Variants in HUWE1 observed in about 807,000 individuals in gnomAD.
The protein encoded by HUWE1 is E3 ubiquitin-protein ligase HUWE1.
Under a neutral mutation model 299.4 loss-of-function variants are expected in HUWE1, and 18 were observed. The observed-to-expected ratio is 0.06, with a 90% confidence interval of 0.04 to 0.09. HUWE1 has a LOEUF of 0.09. Among genes scored for constraint, HUWE1 ranks in the 10% least tolerant of loss-of-function variants. The pLI is 1.00. For synonymous variants in HUWE1, 1,317 were observed against 1,286.1 expected (o/e 1.02, Z -0.51); for missense variants, 1,832 against 3,462.3 (o/e 0.53, Z 11.82).
At position 53,559,762 on chromosome X, in the gene HUWE1, C is replaced by T. The variant is rs190298811; in HGVS notation, c.7737-230G>A. Among the ~76,000 whole-genome samples the T allele has an allele frequency of 8.9e-4, 100 of 112,341 alleles. 1 individual carries two copies. The Admixed American group carries it at 9.1e-3, about 10-fold the overall frequency. Reference sequence around the variant, plus strand: ...CCAAGTGGGTGTCAATAAGCTCCCACGTGCCAGGCACTGCGTCAGGTCACA... The same window carrying T: ...CCAAGTGGGTGTCAATAAGCTCCCATGTGCCAGGCACTGCGTCAGGTCACA... On this transcript the variant is annotated intron_variant, in intron 56 of 83. Coordinates refer to ENST00000262854, the MANE Select transcript of HUWE1 (RefSeq NM_031407.7).
intron 3 of HUWE1, among the ~76,000 whole-genome samples, chrX:53,659,878 C>A (rs1488020772): frequency 1.8e-5 from 2 of 111,967 alleles, no homozygotes; most frequent in Non-Finnish European, 3.8e-5. Context: ...TTTAAAAAAA[C>A]AATCCTCCAA....
At chrX:53,634,484 TCAAA>T (rs1309956461) in intron 7 of HUWE1, among the ~76,000 whole-genome samples, 186 bp from the exon 8 acceptor site, 2 of 111,726 alleles carry the variant, frequency 1.8e-5, no homozygotes, top group Non-Finnish European at 3.8e-5. Flanking sequence ...AATGTGAAAG[TCAAA>T]CAAGAGGAAA....
Position 53,586,982 on chromosome X carries a change from A to G in HUWE1, c.4615-73T>C. 7 of 1,084,491 alleles carry G rather than the reference A, an allele frequency of 6.5e-6. No individual in the cohort carries two copies. In the South Asian group the frequency reaches 9.3e-5, roughly 14 times the overall value. 89.4% of individuals were successfully genotyped at this position (1,084,491 alleles called of 1,213,427 possible). On this transcript the variant is annotated intron_variant, in intron 37 of 83. Transcript: ENST00000262854. ...ACTCAGTAACAAAGATTAGCATGGG[A>G]TAGGGGAGGGGAACATAAGGGTAAA... is the stretch of plus-strand genomic sequence containing the variant.
At chrX:53,543,595 A>G (rs988436280) in intron 73 of HUWE1, 14 of 413,180 alleles carry the variant, frequency 3.4e-5, no homozygotes, top group African/African-American at 5.0e-5. Context: ...AGTTTGCAAA[A>G]GCGCCACTGT....
chrX:53,570,784 T>G (rs955595611), intron 47 of HUWE1, among the ~76,000 whole-genome samples: 1 of 112,243 alleles, frequency 8.9e-6, no homozygotes, highest in Non-Finnish European at 1.9e-5. Flanking sequence ...TAGGTGACAG[T>G]TGCACAACAC....
intron 7 of HUWE1, among the ~76,000 whole-genome samples, chrX:53,639,564 G>C (rs1557029074): frequency 9.0e-6 from 1 of 111,702 alleles, no homozygotes; most frequent in African/African-American, 3.3e-5. Context: ...TCCTGCATTT[G>C]TAACTGAAGG....
chrX:53,620,045 C>T (rs2066045090), intron 19 of HUWE1, among the ~76,000 whole-genome samples: 1 of 111,649 alleles, frequency 9.0e-6, no homozygotes, highest in South Asian at 3.8e-4. Flanking sequence ...TGGCACAAAT[C>T]GCTATGCCCT....
chrX:53,576,022 G>A (rs2063086538), intron 44 of HUWE1, among the ~76,000 whole-genome samples: 1 of 112,306 alleles, frequency 8.9e-6, no homozygotes, highest in Non-Finnish European at 1.9e-5. Flanking sequence ...CAAACCTTAA[G>A]TGAACATACC....
At chrX:53,649,275 T>G (rs2068293068) in intron 4 of HUWE1, among the ~76,000 whole-genome samples, 1 of 112,031 alleles carries the variant, frequency 8.9e-6, no homozygotes, top group Admixed American at 9.5e-5. Flanking sequence ...CATAAAATAC[T>G]TATCTCCCAT....
chrX:53,548,049 T>C lies in HUWE1; in HGVS notation c.10260A>G (p.Glu3420=). The change falls in exon 68 of 84, where the codon GAA becomes GAG. Residue 3420 remains glutamate, a synonymous_variant. Transcript: ENST00000262854. ...AGGCCTCGAGGCTGTATGGAGAGGT[T>C]TCCCCCTCACCGCCAGCGCTCACTG... is the stretch of plus-strand genomic sequence containing the variant. ...SVPVSAGGEG[E]TSPYSLEASP... The C allele has an allele frequency of 8.3e-7, 1 of 1,208,572 alleles. No homozygotes were observed. The highest frequency in any genetic ancestry group is 1.1e-6 in the Non-Finnish European group (1 of 894,496).
chrX:53,616,078 A>G (rs2065783110), intron 21 of HUWE1, among the ~76,000 whole-genome samples: 1 of 108,273 alleles, frequency 9.2e-6, no homozygotes, highest in African/African-American at 3.3e-5. Flanking sequence ...GTGACTGGAG[A>G]AATTTTTTTT....
chrX:53,648,061 T>A (rs2068179799), intron 5 of HUWE1, 151 bp downstream of exon 5: 1 of 498,017 alleles, frequency 2.0e-6, no homozygotes, highest in African/African-American at 2.3e-5. Flanking sequence ...TGCCACTGGT[T>A]TAAAGCTGTG....
intron 6 of HUWE1, among the ~76,000 whole-genome samples, chrX:53,646,478 A>G (rs1321588222): frequency 8.9e-6 from 1 of 111,789 alleles, no homozygotes; most frequent in Non-Finnish European, 1.9e-5. Context: ...TTTTAAATAC[A>G]ATTAAAATTC....
At chrX:53,546,381 G>A in intron 70 of HUWE1, 55 bp downstream of exon 70, 1 of 1,102,153 alleles carries the variant, frequency 9.1e-7, no homozygotes, top group Non-Finnish European at 1.2e-6. Context: ...CCAGAAAGAG[G>A]AAGCACCTAA....
chrX:53,650,502 A>G (rs946068592), intron 4 of HUWE1, among the ~76,000 whole-genome samples: 4 of 112,399 alleles, frequency 3.6e-5, no homozygotes, highest in Non-Finnish European at 7.5e-5. Flanking sequence ...AATTTAATGT[A>G]CCAGTACTAT....
intron 15 of HUWE1, 48 bp downstream of exon 15, chrX:53,628,445 T>C (rs781927146): frequency 1.8e-5 from 20 of 1,120,582 alleles, no homozygotes; most frequent in Non-Finnish European, 2.4e-5. Context: ...ACACCCTTAG[T>C]TGATTTCCCC....
At chrX:53,658,598 T>G (rs965311354) in intron 3 of HUWE1, among the ~76,000 whole-genome samples, 1 of 110,658 alleles carries the variant, frequency 9.0e-6, no homozygotes, top group Non-Finnish European at 1.9e-5. Flanking sequence ...AGAAGCAAAG[T>G]CAATATAATG....
chrX:53,564,656 C>T lies in HUWE1; in HGVS notation c.6947G>A (p.Gly2316Glu). ...HDVTQTEVAD[G>E]DIMDGEAETD... ...TTCAGCCTCCCCATCCATGATATCCCCATCTGCCACCTCTGTCTGAGTGAC... is the reference window on the plus strand; with the variant it reads ...TTCAGCCTCCCCATCCATGATATCCTCATCTGCCACCTCTGTCTGAGTGAC... The change falls in exon 51 of 84, where the codon GGG becomes GAG. Residue 2316 changes from glycine to glutamate, a missense_variant. Gly to Glu is a moderately conservative substitution (Grantham distance 98). This residue lies in a region of HUWE1 where 170 missense variants were observed against 335.8 expected (regional missense o/e 0.51). Coordinates refer to ENST00000262854, the MANE Select transcript of HUWE1 (RefSeq NM_031407.7). 1 of 1,211,640 alleles carries T rather than the reference C, an allele frequency of 8.3e-7. No individual in the cohort carries two copies. Among genetic ancestry groups the T allele is most frequent in the Non-Finnish European group, 1.1e-6 (1 of 895,352 alleles).
chrX:53,668,342 C>T (rs1345185745), intron 3 of HUWE1, among the ~76,000 whole-genome samples: 5 of 106,872 alleles, frequency 4.7e-5, no homozygotes, highest in Non-Finnish European at 9.6e-5. Flanking sequence ...CTCGGGAGGC[C>T]GAGGCAGAAG....
Sources: gnomAD v4.1 joint callset for allele counts (sites outside exome capture counted in the v4.1 genomes callset) on GRCh38, gnomAD v4.1.1 for gene constraint, gnomAD v4.1.1 regional missense constraint, MANE v1.5 for transcripts, NCBI Gene and HGNC (gene_info 2026-07-23, HGNC 2026-07-21) for gene names.